TSTD2: variants seen among roughly 807,000 people sequenced by gnomAD.
TSTD2 encodes thiosulfate sulfurtransferase/rhodanese-like domain-containing protein 2.
In TSTD2, 37 loss-of-function variants were observed where a neutral mutation model predicts 47.9. The observed-to-expected ratio is 0.77, with a 90% CI of 0.59 to 1.02. The LOEUF is 1.02. TSTD2 is among the 50% of genes least tolerant of loss of function. The pLI is 0.00. For synonymous variants in TSTD2, 201 were observed against 215.9 expected (o/e 0.93, Z 0.61); for missense variants, 586 against 616.0 (o/e 0.95, Z 0.52).
chr9:97,626,698 TC>T (rs943126761), intron 2 of TSTD2, among the ~76,000 whole-genome samples: 27 of 152,312 alleles, frequency 1.8e-4, no homozygotes, highest in African/African-American at 6.3e-4. Flanking sequence ...TCTTTCTATA[TC>T]TTTAACCACC....
chr9:97,602,881 T>C, intron 9 of TSTD2, 114 bp from the exon 10 acceptor site: 1 of 1,088,348 alleles, frequency 9.2e-7, no homozygotes, highest in Non-Finnish European at 1.3e-6. Context: ...CCGGGGAAGG[T>C]TTCCAAATAG....
At chr9:97,624,906 T>C (rs1826695424) in intron 3 of TSTD2, among the ~76,000 whole-genome samples, 1 of 152,200 alleles carries the variant, frequency 6.6e-6, no homozygotes, top group South Asian at 2.1e-4. Context: ...CAGATAATGA[T>C]ATCTAGCTTA....
chr9:97,613,353 G>C (rs975847355), intron 4 of TSTD2, among the ~76,000 whole-genome samples: 3 of 152,138 alleles, frequency 2.0e-5, no homozygotes, highest in African/African-American at 7.2e-5. Context: ...TTGCTCACCA[G>C]CATATCCCCT....
chr9:97,604,154 A>G (rs1340588780), intron 9 of TSTD2: 1 of 152,174 alleles, frequency 6.6e-6, no homozygotes, highest in Non-Finnish European at 1.5e-5. Flanking sequence ...CCTAATAACT[A>G]TTTTCATTTT....
At chr9:97,621,336 G>A (rs976923869) in intron 3 of TSTD2, among the ~76,000 whole-genome samples, 2 of 152,006 alleles carry the variant, frequency 1.3e-5, no homozygotes, top group Non-Finnish European at 2.9e-5. Context: ...TGATGATTGT[G>A]TTAATTGCAC....
intron 3 of TSTD2, among the ~76,000 whole-genome samples, chr9:97,624,097 C>T (rs1479340719): frequency 2.0e-5 from 3 of 152,116 alleles, no homozygotes; most frequent in Non-Finnish European, 4.4e-5. Flanking sequence ...GTATGGTGCC[C>T]AGCCTCCAAG....
At chr9:97,606,063 G>A (rs1826360502) in intron 7 of TSTD2, 80 bp downstream of exon 7, 4 of 1,070,162 alleles carry the variant, frequency 3.7e-6, no homozygotes, top group Non-Finnish European at 5.7e-6. Context: ...GCACACACAA[G>A]GTCCCCTTGG....
At chr9:97,627,852 G>C (rs1404607770) in intron 1 of TSTD2, among the ~76,000 whole-genome samples, 1 of 152,246 alleles carries the variant, frequency 6.6e-6, no homozygotes, top group African/African-American at 2.4e-5. Context: ...TTACATTCCA[G>C]TGGGGTGAAG....
At chr9:97,631,407 C>T (rs1826807873) in intron 1 of TSTD2, among the ~76,000 whole-genome samples, 1 of 152,160 alleles carries the variant, frequency 6.6e-6, no homozygotes, top group Non-Finnish European at 1.5e-5. Flanking sequence ...AGGGGTGAGC[C>T]ACCATGCCTG....
intron 5 of TSTD2, among the ~76,000 whole-genome samples, 163 bp downstream of exon 5, chr9:97,611,411 T>C (rs778806281): frequency 2.6e-5 from 4 of 151,718 alleles, no homozygotes; most frequent in Admixed American, 6.6e-5. Flanking sequence ...AGCAAGACCC[T>C]GTCAAAAAAC....
At chr9:97,614,108 A>C (rs759083982) in intron 4 of TSTD2, among the ~76,000 whole-genome samples, 39 of 152,318 alleles carry the variant, frequency 2.6e-4, no homozygotes, top group Non-Finnish European at 4.0e-4. Flanking sequence ...GATTACAGGC[A>C]TGAACCATCG....
Position 97,627,479 on chromosome 9 carries a change from C to T in TSTD2, c.84G>A (p.Met28Ile), listed in dbSNP as rs1475547891. The change falls in exon 2 of 10, where the codon ATG becomes ATA. Residue 28 changes from methionine to isoleucine, a missense_variant. Physicochemically the swap from Met to Ile is conservative, Grantham distance 10. Coordinates refer to ENST00000341170, the MANE Select transcript of TSTD2 (RefSeq NM_139246.5). ...GACTGCTGCTGGGATTAATAAGACT[C>T]ATATCTTTTAAATCCAGGTCAGAAA... is the stretch of plus-strand genomic sequence containing the variant. ...LRFSDLDLKD[M>I]SLINPSSSLK... The T allele has an allele frequency of 1.2e-6, 2 of 1,613,590 alleles. No homozygotes were observed. Among genetic ancestry groups the T allele is most frequent in the African/African-American group, 2.7e-5 (2 of 74,868 alleles).
chr9:97,602,438 C>A lies in TSTD2; in HGVS notation c.*31G>T. ...ATAGTCACCCCAAACCTACTTTTAC[C>A]GAGGGCCTGGGAAAATGCCAAAGGT... On this transcript the variant is annotated 3_prime_UTR_variant, in exon 10 of 10. Transcript: ENST00000341170. The A allele has an allele frequency of 1.3e-6, 2 of 1,552,806 alleles. No individual in the cohort carries two copies. The highest frequency in any genetic ancestry group is 1.7e-6 in the Non-Finnish European group (2 of 1,147,166).
chr9:97,601,023 G>A lies in TSTD2; in HGVS notation c.*1446C>T. The A allele has an allele frequency of 7.7e-7, 1 of 1,296,664 alleles. No individual in the cohort carries two copies. Among genetic ancestry groups the A allele is most frequent in the Non-Finnish European group, 1.0e-6 (1 of 984,846 alleles). 80.3% of individuals were successfully genotyped at this position (1,296,664 alleles called of 1,614,324 possible). A position where few individuals can be genotyped will look rare whatever the true frequency, so the allele number is the denominator to read the frequency against. On this transcript the variant is annotated 3_prime_UTR_variant, in exon 10 of 10. Coordinates refer to ENST00000341170, the MANE Select transcript of TSTD2 (RefSeq NM_139246.5). ...TGAGCAGAGAGGCTGGTGATGAAAA[G>A]GTGAAGGCCTGCGCACTGAACTGTA...
intron 6 of TSTD2, among the ~76,000 whole-genome samples, chr9:97,609,444 A>G (rs1826420847): frequency 6.6e-6 from 1 of 152,046 alleles, no homozygotes; most frequent in South Asian, 2.1e-4. Context: ...GCAAGGGGGG[A>G]AAAAAAGATG....
Position 97,600,188 on chromosome 9 carries a change from A to G in TSTD2, c.*2281T>C. 1.0e-6 allele frequency: 1 copy of G among 996,034 alleles called. No individual in the cohort carries two copies. Among genetic ancestry groups the G allele is most frequent in the Non-Finnish European group, 1.2e-6 (1 of 835,142 alleles). 61.7% of individuals were successfully genotyped at this position (996,034 alleles called of 1,614,324 possible). A position where few individuals can be genotyped will look rare whatever the true frequency, so the allele number is the denominator to read the frequency against. On this transcript the variant is annotated 3_prime_UTR_variant, in exon 10 of 10. Coordinates refer to ENST00000341170, the MANE Select transcript of TSTD2 (RefSeq NM_139246.5). ...CCTCCTTGGAATTTTGAAAACCTCG[A>G]TTAAAGTTGCCAAATTGATTACTGG...
chr9:97,623,627 G>A (rs1826673697), intron 3 of TSTD2, among the ~76,000 whole-genome samples: 2 of 152,232 alleles, frequency 1.3e-5, no homozygotes, highest in Non-Finnish European at 2.9e-5. Flanking sequence ...GGGAGGCCAA[G>A]GTGAGCAGAT....
chr9:97,607,263 T>C lies in TSTD2; in HGVS notation c.836-1002A>G, dbSNP rs890278437. Among the ~76,000 whole-genome samples the C allele has an allele frequency of 5.3e-5, 8 of 152,332 alleles. No individual in the cohort carries two copies. In the South Asian group the frequency reaches 1.0e-3, roughly 20 times the overall value. ...TAGGATAGAAATATTCCCCTATCTT[T>C]GAGGGTCCAGAAATCTCAGTAGATT... On this transcript the variant is annotated intron_variant, in intron 6 of 9. Coordinates refer to ENST00000341170, the MANE Select transcript of TSTD2 (RefSeq NM_139246.5).
rs143953055 is a variant in TSTD2 at position 97,604,725 on chromosome 9, A to C, written c.1252+2T>G. 82 of 1,614,080 alleles carry C rather than the reference A, an allele frequency of 5.1e-5. No homozygotes were observed. The highest frequency in any genetic ancestry group is 6.6e-5 in the Non-Finnish European group (78 of 1,180,034). Reference sequence around the variant, plus strand: ...TTGGGCTCTGAGCCTGTGCTGACCTACCTGACACCACATCACTGTTGTAGG... The same window carrying C: ...TTGGGCTCTGAGCCTGTGCTGACCTCCCTGACACCACATCACTGTTGTAGG... On this transcript the variant is annotated splice_donor_variant, in intron 9 of 9. Coordinates refer to ENST00000341170, the MANE Select transcript of TSTD2 (RefSeq NM_139246.5). LOFTEE classifies it high-confidence loss of function.
Sources: allele counts gnomAD v4.1 joint callset (sites outside exome capture counted in the v4.1 genomes callset), GRCh38; gene constraint gnomAD v4.1.1; transcripts MANE v1.5; gene names NCBI Gene and HGNC (gene_info 2026-07-23, HGNC 2026-07-21).